Variants in ATG10 observed in about 807,000 individuals in gnomAD.
ATG10 encodes autophagy related 10.
A neutral mutation model predicts 32.1 loss-of-function variants in ATG10; 30 were observed. The ratio of observed to expected loss-of-function variants is 0.94; its 90% confidence interval spans 0.70 to 1.27. The LOEUF is 1.27. Ranked by LOEUF, ATG10 falls within the 50% of genes most tolerant of loss-of-function variation. The probability of loss-of-function intolerance (pLI) is 0.00; values close to 1 mark genes in which losing one functional copy is unlikely to be tolerated. For synonymous variants in ATG10, 87 were observed against 91.5 expected, an observed-to-expected ratio of 0.95 and a Z score of 0.28; for missense variants, 233 against 262.3, an observed-to-expected ratio of 0.89 and a Z score of 0.77.
At chr5:81,993,406 T>TTCTTTTCTTTTCTTTTCTTA (rs1761558581) in intron 2 of ATG10, among the ~76,000 whole-genome samples, 1 of 137,382 alleles carries the variant, frequency 7.3e-6, no homozygotes, top group African/African-American at 2.8e-5. Context: ...TTCTTTTCTT[T>TTCTTTTCTTTTCTTTTCTTA]TCTTTTCTTT....
At chr5:81,979,149 C>G (rs945401371) in intron 1 of ATG10, among the ~76,000 whole-genome samples, 3 of 152,132 alleles carry the variant, frequency 2.0e-5, no homozygotes, top group African/African-American at 7.2e-5. Flanking sequence ...ATTCTCCTGT[C>G]TCAGCTTCCC....
chr5:82,080,909 G>C (rs1764454802), intron 3 of ATG10, among the ~76,000 whole-genome samples: 1 of 152,174 alleles, frequency 6.6e-6, no homozygotes, highest in Admixed American at 6.5e-5. Context: ...AAAGTCATTG[G>C]TAGCTTGATG....
At chr5:82,151,160 TA>T (rs1249471812) in intron 3 of ATG10, among the ~76,000 whole-genome samples, 1 of 152,254 alleles carries the variant, frequency 6.6e-6, no homozygotes, top group Admixed American at 6.5e-5. Context: ...AATTTATATT[TA>T]CTTTGATTTT....
At chr5:81,984,297 C>T (rs1019345963) in intron 1 of ATG10, among the ~76,000 whole-genome samples, 8 of 152,262 alleles carry the variant, frequency 5.3e-5, no homozygotes, top group South Asian at 2.1e-4. Flanking sequence ...CCTGGCGGCG[C>T]GCGCCTGCAA....
intron 2 of ATG10, among the ~76,000 whole-genome samples, chr5:81,988,459 G>A (rs1003471330): frequency 4.6e-5 from 7 of 151,852 alleles, no homozygotes; most frequent in Non-Finnish European, 1.0e-4. Context: ...TTGTCTTTTT[G>A]AGATGGATTC....
At chr5:82,034,336 A>G (rs1287743681) in intron 2 of ATG10, among the ~76,000 whole-genome samples, 1 of 152,086 alleles carries the variant, frequency 6.6e-6, no homozygotes, top group Non-Finnish European at 1.5e-5. Flanking sequence ...TCCATGTTTG[A>G]TCCATTAGCA....
chr5:82,047,542 G>A (rs191368293), intron 2 of ATG10, among the ~76,000 whole-genome samples: 24 of 152,332 alleles, frequency 1.6e-4, no homozygotes, highest in Admixed American at 1.6e-3. Flanking sequence ...GGCTGTGGAA[G>A]AATATATAAA....
chr5:82,071,144 A>G (rs554156081), intron 3 of ATG10, among the ~76,000 whole-genome samples: 2 of 152,248 alleles, frequency 1.3e-5, no homozygotes, highest in Admixed American at 1.3e-4. Context: ...TTGGAGGTCA[A>G]CCTATGTAAA....
chr5:82,057,836 G>T (rs935631593), intron 2 of ATG10, among the ~76,000 whole-genome samples: 16 of 152,266 alleles, frequency 1.1e-4, no homozygotes, highest in African/African-American at 3.8e-4. Context: ...TTTGCAAATG[G>T]TGGTCATTTC....
intron 2 of ATG10, among the ~76,000 whole-genome samples, chr5:82,053,789 T>C (rs1314756782): frequency 2.0e-5 from 3 of 152,096 alleles, no homozygotes; most frequent in African/African-American, 7.2e-5. Context: ...ATAGCTGAAG[T>C]GTAGTTGGAC....
intron 3 of ATG10, among the ~76,000 whole-genome samples, chr5:82,127,621 T>C (rs1438834239): frequency 1.3e-5 from 2 of 152,186 alleles, no homozygotes; most frequent in African/African-American, 4.8e-5. Flanking sequence ...TCTTGAGTTC[T>C]AATATAGATT....
At chr5:81,975,437 T>C (rs1208062707) in intron 1 of ATG10, among the ~76,000 whole-genome samples, 3 of 152,172 alleles carry the variant, frequency 2.0e-5, no homozygotes, top group Non-Finnish European at 4.4e-5. Flanking sequence ...ATTCAGCACT[T>C]TGGGAGGCTG....
At chr5:81,977,320 T>TC (rs1440671585) in intron 1 of ATG10, among the ~76,000 whole-genome samples, 1 of 152,210 alleles carries the variant, frequency 6.6e-6, no homozygotes, top group East Asian at 1.9e-4. Flanking sequence ...CTTACCTACT[T>TC]CCCAGTATTT....
chr5:82,161,991 A>G (rs1402744317), intron 3 of ATG10, among the ~76,000 whole-genome samples: 1 of 152,202 alleles, frequency 6.6e-6, no homozygotes, highest in African/African-American at 2.4e-5. Context: ...ATTTGACTAC[A>G]TAAAAGTAAA....
intron 3 of ATG10, among the ~76,000 whole-genome samples, chr5:82,065,313 A>G (rs1264754357): frequency 6.6e-6 from 1 of 152,014 alleles, no homozygotes; most frequent in Non-Finnish European, 1.5e-5. Flanking sequence ...ATGGTGAAAC[A>G]CCATCTCTAC....
At chr5:82,064,044 A>G (rs1336438511) in intron 3 of ATG10, among the ~76,000 whole-genome samples, 2 of 152,232 alleles carry the variant, frequency 1.3e-5, no homozygotes, top group Non-Finnish European at 1.5e-5. Flanking sequence ...GATGAACTCA[A>G]AGAATAATCC....
At chr5:82,163,631 G>A (rs1743455623) in intron 3 of ATG10, among the ~76,000 whole-genome samples, 1 of 151,978 alleles carries the variant, frequency 6.6e-6, no homozygotes, top group African/African-American at 2.4e-5. Flanking sequence ...ATGGAACCAG[G>A]GTCTGACTCA....
chr5:82,061,794 G>A (rs1445516049), intron 3 of ATG10, among the ~76,000 whole-genome samples: 4 of 105,598 alleles, frequency 3.8e-5, no homozygotes, highest in African/African-American at 7.4e-5. Context: ...ATATATATAC[G>A]TATACATACA....
intron 3 of ATG10, among the ~76,000 whole-genome samples, chr5:82,077,216 G>A (rs763877093): frequency 1.1e-4 from 16 of 152,082 alleles, no homozygotes; most frequent in Non-Finnish European, 2.1e-4. Context: ...CCAGCTACAC[G>A]AGAGGCTGAG....
Sources: gnomAD v4.1 joint callset for allele counts (sites outside exome capture counted in the v4.1 genomes callset) on GRCh38, gnomAD v4.1.1 for gene constraint, MANE v1.5 for transcripts, NCBI Gene and HGNC (gene_info 2026-07-23, HGNC 2026-07-21) for gene names.